Variants in DOCK11 observed in about 807,000 individuals in gnomAD.
The protein encoded by DOCK11 is dedicator of cytokinesis protein 11.
In DOCK11, 70 loss-of-function variants were observed where a neutral mutation model predicts 169.1. That is an observed-to-expected ratio of 0.41 (90% CI 0.34 to 0.51). DOCK11 has a LOEUF of 0.51. Among genes scored for constraint, DOCK11 ranks in the 20% least tolerant of loss-of-function variants. The pLI is 0.10. For synonymous variants in DOCK11, 529 were observed against 541.3 expected (o/e 0.98, Z 0.32); for missense variants, 1,166 against 1,538.8 (o/e 0.76, Z 4.05).
Position 118,654,789 on chromosome X carries a change from T to G in DOCK11, c.4883T>G (p.Ile1628Ser). Reference protein sequence around the residue: ...RKTWLDSMAKIHVKNGDFSEA... With the variant: ...RKTWLDSMAKSHVKNGDFSEA... The stretch of plus-strand genomic sequence containing the variant: ...ACCTGGCTTGATAGCATGGCCAAGA[T>G]TCATGTAAAAAATGGAGATTTTTCA... Residue 1628 changes from isoleucine to serine, a missense_variant, in exon 43 of 53, where the codon ATT (isoleucine) becomes AGT (serine). By Grantham distance (142) the Ile-to-Ser change is moderately radical. Transcript: ENST00000276202. The G allele has an allele frequency of 8.3e-7, 1 of 1,211,688 alleles. No individual in the cohort carries two copies. Among genetic ancestry groups the G allele is most frequent in the Non-Finnish European group, 1.1e-6 (1 of 895,533 alleles).
intron 1 of DOCK11, among the ~76,000 whole-genome samples, chrX:118,513,508 G>A (rs1358791495): frequency 1.8e-5 from 2 of 112,170 alleles, no homozygotes; most frequent in Non-Finnish European, 3.8e-5. Context: ...CCAGCTACTC[G>A]GGAGGCTGAA....
At chrX:118,531,170 G>A (rs1320486748) in intron 1 of DOCK11, among the ~76,000 whole-genome samples, 1 of 109,921 alleles carries the variant, frequency 9.1e-6, no homozygotes, top group Non-Finnish European at 1.9e-5. Flanking sequence ...GTATAAGGAA[G>A]TGAGGTTGGG....
intron 45 of DOCK11, among the ~76,000 whole-genome samples, chrX:118,667,762 A>G (rs1415527887): frequency 2.7e-5 from 3 of 111,709 alleles, no homozygotes; most frequent in African/African-American, 9.7e-5. Flanking sequence ...GAGTTTAACA[A>G]TATTGAATTT....
At chrX:118,641,864 A>G (rs925083204) in intron 39 of DOCK11, among the ~76,000 whole-genome samples, 2 of 111,735 alleles carry the variant, frequency 1.8e-5, no homozygotes, top group African/African-American at 3.3e-5. Flanking sequence ...CGGTGTGACC[A>G]TAATGTAAGA....
At chrX:118,615,512 C>T (rs767269147) in intron 29 of DOCK11, 88 bp from the exon 30 acceptor site, 10 of 734,627 alleles carry the variant, frequency 1.4e-5, no homozygotes, top group Middle Eastern at 4.6e-4. Context: ...TAAGCACTTC[C>T]GTTGTGAAAA....
intron 35 of DOCK11, among the ~76,000 whole-genome samples, chrX:118,635,130 A>G (rs187744118): frequency 9.7e-4 from 109 of 112,218 alleles, no homozygotes; most frequent in African/African-American, 3.4e-3. Context: ...TTATAAAACA[A>G]TTGGAAAATT....
intron 45 of DOCK11, among the ~76,000 whole-genome samples, chrX:118,670,058 A>T (rs1040822047): frequency 1.8e-5 from 2 of 111,875 alleles, no homozygotes; most frequent in African/African-American, 6.5e-5. Flanking sequence ...TCACATTCTG[A>T]GGTACTTGGG....
At chrX:118,513,639 C>T (rs1489019505) in intron 1 of DOCK11, among the ~76,000 whole-genome samples, 2 of 112,102 alleles carry the variant, frequency 1.8e-5, no homozygotes, top group African/African-American at 6.5e-5. Flanking sequence ...GAAGAGTTTA[C>T]GAAATTATGT....
intron 1 of DOCK11, among the ~76,000 whole-genome samples, chrX:118,497,623 T>TA (rs2057546199): frequency 8.9e-6 from 1 of 112,053 alleles, no homozygotes; most frequent in Admixed American, 9.5e-5. Context: ...CACAGCCAGT[T>TA]AAGAGAGGAA....
At chrX:118,663,820 G>A (rs1415177656) in intron 45 of DOCK11, among the ~76,000 whole-genome samples, 2 of 108,363 alleles carry the variant, frequency 1.8e-5, no homozygotes, top group African/African-American at 3.4e-5. Flanking sequence ...GACTACAGGC[G>A]TGCACCACTA....
intron 11 of DOCK11, 86 bp downstream of exon 11, chrX:118,572,549 G>T (rs1445947333): frequency 1.1e-6 from 1 of 941,229 alleles, no homozygotes; most frequent in Non-Finnish European, 1.4e-6. Context: ...CCAAACCTCC[G>T]TGACATGCAA....
At chrX:118,668,619 G>A (rs1034282470) in intron 45 of DOCK11, among the ~76,000 whole-genome samples, 1 of 111,637 alleles carries the variant, frequency 9.0e-6, no homozygotes, top group Admixed American at 9.5e-5. Flanking sequence ...GCCAATGTAA[G>A]TAAAATATTG....
At chrX:118,580,075 A>G (rs372359771) in intron 13 of DOCK11, 22 bp from the exon 14 acceptor site, 59 of 1,192,793 alleles carry the variant, frequency 4.9e-5, no homozygotes, top group South Asian at 1.5e-4. Context: ...ATACAAGCCT[A>G]TCTTCTTGTT....
At chrX:118,634,703 T>A (rs183102685) in intron 35 of DOCK11, among the ~76,000 whole-genome samples, 1 of 112,255 alleles carries the variant, frequency 8.9e-6, no homozygotes, top group Admixed American at 9.4e-5. Context: ...AAAGCGGAAG[T>A]CACTGCTAGC....
intron 28 of DOCK11, among the ~76,000 whole-genome samples, chrX:118,612,517 G>T (rs2014708612): frequency 8.9e-6 from 1 of 111,996 alleles, no homozygotes; most frequent in Admixed American, 9.5e-5. Context: ...CTTGACTTCT[G>T]TGTGGCAATT....
chrX:118,651,454 G>T (rs771699983), intron 41 of DOCK11, among the ~76,000 whole-genome samples: 11 of 110,984 alleles, frequency 9.9e-5, no homozygotes, highest in Non-Finnish European at 1.7e-4. Flanking sequence ...AAAATAAGAA[G>T]TACCATCAAA....
chrX:118,672,464 G>C (rs1362386504), intron 46 of DOCK11, among the ~76,000 whole-genome samples: 1 of 112,232 alleles, frequency 8.9e-6, no homozygotes, highest in African/African-American at 3.2e-5. Flanking sequence ...ACGGAGTCTT[G>C]CTCTTTGGCC....
At chrX:118,645,966 G>A (rs1395074654) in intron 40 of DOCK11, among the ~76,000 whole-genome samples, 1 of 98,711 alleles carries the variant, frequency 1.0e-5, no homozygotes, top group Non-Finnish European at 2.0e-5. Context: ...TGAGGCAGGA[G>A]AATCACTTGA....
chrX:118,578,398 C>G (rs752937217), intron 12 of DOCK11, 127 bp from the exon 13 acceptor site: 1 of 730,162 alleles, frequency 1.4e-6, no homozygotes, highest in South Asian at 2.4e-5. Flanking sequence ...GAAATTCTAT[C>G]TATTTCTAGG....
Sources: gnomAD v4.1 joint callset for allele counts (sites outside exome capture counted in the v4.1 genomes callset) on GRCh38, gnomAD v4.1.1 for gene constraint, MANE v1.5 for transcripts, NCBI Gene and HGNC (gene_info 2026-07-23, HGNC 2026-07-21) for gene names.